ZDHHC23: variants seen among roughly 807,000 people sequenced by gnomAD.
The protein encoded by ZDHHC23 is palmitoyltransferase ZDHHC23.
A neutral mutation model predicts 40.2 loss-of-function variants in ZDHHC23; 41 were observed. That is an observed-to-expected ratio of 1.02 (90% confidence interval 0.79 to 1.32). The LOEUF is 1.32. Ranked by LOEUF, ZDHHC23 falls within the 40% of genes most tolerant of loss-of-function variation. The probability of loss-of-function intolerance (pLI) is 0.00; values close to 1 mark genes in which losing one functional copy is unlikely to be tolerated. For synonymous variants in ZDHHC23, 204 were observed against 210.2 expected, an observed-to-expected ratio of 0.97 and a Z score of 0.26; for missense variants, 471 against 541.5, an observed-to-expected ratio of 0.87 and a Z score of 1.29.
At chr3:113,949,792 A>C (rs1559839480) in intron 2 of ZDHHC23, among the ~76,000 whole-genome samples, 2 of 152,224 alleles carry the variant, frequency 1.3e-5, no homozygotes, top group South Asian at 2.1e-4. Flanking sequence ...TGATACATTA[A>C]TACAGCCATG....
chr3:113,966,834 C>T (rs772355032), downstream of ZDHHC23, among the ~76,000 whole-genome samples: 16 of 152,018 alleles, frequency 1.1e-4, no homozygotes, highest in Admixed American at 5.9e-4. Flanking sequence ...TGCGGTGGGT[C>T]ACACCTGTAA....
chr3:113,958,382 T>G lies in ZDHHC23; in HGVS notation c.1060T>G (p.Cys354Gly). The change falls in exon 5 of 5, where the codon TGC becomes GGC. Residue 354 changes from cysteine to glycine, a missense_variant. By Grantham distance (159) the Cys-to-Gly change is radical. Transcript: ENST00000638807. ...TCCTAGCTCGGCTCTGTCCTTCACC[T>G]GCGTGTGGTACTCTGTGATCATCAC... The part of the protein sequence containing the change: ...ANYSSALSFT[C>G]VWYSVIITAG... The G allele has an allele frequency of 1.2e-6, 2 of 1,613,542 alleles. No individual in the cohort carries two copies. The highest frequency in any genetic ancestry group is 1.7e-6 in the Non-Finnish European group (2 of 1,179,472).
At chr3:113,970,902 A>G in the ZDHHC23 span, among the ~76,000 whole-genome samples, 1 of 152,012 alleles carries the variant, frequency 6.6e-6, no homozygotes, top group Admixed American at 6.5e-5. Flanking sequence ...TGAACTCATC[A>G]TTTTTTATGG....
chr3:113,949,878 A>G (rs1252079807), intron 2 of ZDHHC23, among the ~76,000 whole-genome samples: 5 of 152,218 alleles, frequency 3.3e-5, no homozygotes, highest in Non-Finnish European at 5.9e-5. Flanking sequence ...TGTCGTTCTT[A>G]CTTGACAGTG....
chr3:113,956,719 T>G (rs1235265405), intron 4 of ZDHHC23, among the ~76,000 whole-genome samples: 2 of 152,228 alleles, frequency 1.3e-5, no homozygotes, highest in Non-Finnish European at 2.9e-5. Flanking sequence ...CTTTAAAAAG[T>G]GAAGAACTAG....
the ZDHHC23 span, among the ~76,000 whole-genome samples, chr3:113,973,449 T>C: frequency 3.3e-5 from 5 of 152,180 alleles, no homozygotes; most frequent in South Asian, 1.0e-3. Flanking sequence ...TTTTTTTCTT[T>C]CAGATTGAAG....
At chr3:113,971,112 C>CT in the ZDHHC23 span, among the ~76,000 whole-genome samples, 1 of 152,170 alleles carries the variant, frequency 6.6e-6, no homozygotes, top group African/African-American at 2.4e-5. Flanking sequence ...AATGGTATTT[C>CT]TAGTTCTAGA....
At chr3:113,968,942 A>T (rs1373305662), downstream of ZDHHC23, among the ~76,000 whole-genome samples, 6 of 152,202 alleles carry the variant, frequency 3.9e-5, no homozygotes, top group Non-Finnish European at 7.3e-5. Context: ...CTGTACAAGA[A>T]GTATGGCACT....
rs778353076 is a variant in ZDHHC23 at position 113,958,558 on chromosome 3, C to T, written c.1236C>T (p.Phe412=). 1.2e-6 allele frequency: 2 copies of T among 1,611,442 alleles called. No homozygotes were observed. Among genetic ancestry groups the T allele is most frequent in the Non-Finnish European group, 1.7e-6 (2 of 1,179,994 alleles). The part of the protein sequence containing the change: ...IVDTGQYNRG[F]LRNWHQFSTL... The stretch of plus-strand genomic sequence containing the variant: ...ACACAGGCCAGTACAATAGGGGCTT[C>T]CTGCGGAACTGGCACCAGTTCTCCA... The change falls in exon 5 of 5, where the codon TTC becomes TTT. Residue 412 remains phenylalanine (F), a synonymous_variant. Transcript: ENST00000638807.
Position 113,954,050 on chromosome 3 carries a change from T to G in ZDHHC23, c.512T>G (p.Leu171Arg). ...VPKGRVGPVQ[L>R]AVLTCGLFLI... is the part of the protein sequence containing the mutation. ...AAAGGGCGTGTGGGTCCCGTTCAGCTGGCGGTTCTTACCTGCGGGTTATTT... is the reference window on the plus strand; with the variant it reads ...AAAGGGCGTGTGGGTCCCGTTCAGCGGGCGGTTCTTACCTGCGGGTTATTT... Residue 171 changes from leucine (L) to arginine (R), a missense_variant, in exon 3 of 5, where the codon CTG becomes CGG. Around this residue, in one of 3 missense-constraint regions of ZDHHC23, gnomAD observed 346 missense variants for 399.8 expected, o/e 0.87. Transcript: ENST00000638807. 1 of 1,614,198 alleles carries G rather than the reference T, an allele frequency of 6.2e-7. No homozygotes were observed.
chr3:113,972,316 C>G, the ZDHHC23 span, among the ~76,000 whole-genome samples: 3 of 151,960 alleles, frequency 2.0e-5, no homozygotes, highest in East Asian at 5.8e-4. Flanking sequence ...TAAATTTTTT[C>G]TTAATTTCTT....
downstream of ZDHHC23, among the ~76,000 whole-genome samples, chr3:113,965,569 GTTATTT>G (rs943419101): frequency 5.9e-5 from 9 of 151,970 alleles, no homozygotes; most frequent in Non-Finnish European, 1.0e-4. Flanking sequence ...TGATTGATAG[GTTATTT>G]TTATTTTTAT....
chr3:113,957,381 G>C (rs1939332769), intron 4 of ZDHHC23, among the ~76,000 whole-genome samples: 1 of 152,188 alleles, frequency 6.6e-6, no homozygotes, highest in Non-Finnish European at 1.5e-5. Context: ...CCAGACACCT[G>C]TGGGCATTAT....
chr3:113,957,236 G>T (rs1358526876), intron 4 of ZDHHC23, among the ~76,000 whole-genome samples: 2 of 152,150 alleles, frequency 1.3e-5, no homozygotes, highest in Non-Finnish European at 2.9e-5. Flanking sequence ...GTGCTCTGGG[G>T]TATCTGTGGT....
chr3:113,949,748 G>A (rs919461597), intron 2 of ZDHHC23, among the ~76,000 whole-genome samples: 2 of 152,124 alleles, frequency 1.3e-5, no homozygotes, highest in Admixed American at 6.5e-5. Flanking sequence ...GGTTAAAAAA[G>A]TCATTGCAAC....
rs1216183921 is a variant in ZDHHC23, at chr3:113,954,252, A to C, written c.714A>C (p.Thr238=). 1.9e-6 allele frequency: 3 copies of C among 1,614,028 alleles called. No homozygotes were observed. Among genetic ancestry groups the C allele is most frequent in the Non-Finnish European group, 2.5e-6 (3 of 1,180,006 alleles). The change falls in exon 3 of 5, where the codon ACA becomes ACC. Residue 238 remains threonine, a synonymous_variant. Transcript: ENST00000638807. The part of the protein sequence containing the change: ...DMSGSLNNRT[T]KDDPKGSSKM... ...CGGGCAGTCTCAACAATCGCACAAC[A>C]AAGGATGACCCCAAGGGCTCTTCCA...
chr3:113,966,503 A>AGAT (rs1175499225), downstream of ZDHHC23, among the ~76,000 whole-genome samples: 2 of 152,174 alleles, frequency 1.3e-5, no homozygotes, highest in African/African-American at 4.8e-5. Flanking sequence ...ACCTTTTTGA[A>AGAT]GATGATGTCT....
chr3:113,948,772 T>G lies in ZDHHC23; in HGVS notation c.-31T>G, dbSNP rs1221194858. 5.0e-6 allele frequency: 8 copies of G among 1,613,530 alleles called. No individual in the cohort carries two copies. The Admixed American group carries it at 1.2e-4, about 24-fold the overall frequency. On this transcript the variant is annotated 5_prime_UTR_variant, in exon 2 of 5. Coordinates refer to ENST00000638807, the MANE Select transcript of ZDHHC23 (RefSeq NM_001320466.2). ...CTTTCCACCTTTACCTTCTGAGGGCTTCTTACGCCTCATGGTGACAGGTGC... is the reference window on the plus strand; with the variant it reads ...CTTTCCACCTTTACCTTCTGAGGGCGTCTTACGCCTCATGGTGACAGGTGC...
chr3:113,956,561 A>G lies in ZDHHC23; in HGVS notation c.1040+55A>G, dbSNP rs552532819. The G allele has an allele frequency of 1.2e-4, 189 of 1,531,970 alleles. No homozygotes were observed. The African/African-American group carries it at 2.4e-3, about 19-fold the overall frequency. 94.9% of individuals were successfully genotyped at this position (1,531,970 alleles called of 1,614,324 possible). On this transcript the variant is annotated intron_variant, in intron 4 of 4. Transcript: ENST00000638807. ...CCCCTGGGAAGTAATGGGTGTTGCC[A>G]TTGACAGGGACTATTACTACTTGGT...
Sources: gnomAD v4.1 joint callset for allele counts (sites outside exome capture counted in the v4.1 genomes callset) on GRCh38, gnomAD v4.1.1 for gene constraint, gnomAD v4.1.1 regional missense constraint, MANE v1.5 for transcripts, NCBI Gene and HGNC (gene_info 2026-07-23, HGNC 2026-07-21) for gene names.